Variants in MRPS27 observed in about 807,000 individuals in gnomAD.
MRPS27 encodes small ribosomal subunit protein mS27.
MRPS27 carries 43 observed loss-of-function variants against 48.9 expected under a neutral mutation model. The ratio of observed to expected loss-of-function variants is 0.88; its 90% confidence interval spans 0.69 to 1.13. The LOEUF (loss-of-function observed/expected upper bound fraction) is 1.13, where lower values mean the gene tolerates loss of function less well. Among genes scored for constraint, MRPS27 ranks in the 50% most tolerant of loss-of-function variants. MRPS27 has a pLI of 0.00. For missense variants in MRPS27, 467 were observed against 476.3 expected (o/e 0.98, Z 0.18); for synonymous variants, 188 against 171.9 (o/e 1.09, Z -0.73).
At chr5:72,314,052 A>C (rs1750508260) in intron 2 of MRPS27, 29 bp downstream of exon 2, 1 of 1,537,708 alleles carries the variant, frequency 6.5e-7, no homozygotes, top group Admixed American at 1.7e-5. Context: ...ACCGAAAATG[A>C]CACATATAAT....
intron 4 of MRPS27, among the ~76,000 whole-genome samples, chr5:72,252,007 C>T (rs1389659725): frequency 2.0e-5 from 3 of 152,128 alleles, no homozygotes; most frequent in African/African-American, 7.2e-5. Context: ...CAGCTGACAG[C>T]AGTCACATGA....
intron 4 of MRPS27, among the ~76,000 whole-genome samples, chr5:72,289,948 C>G (rs1294814485): frequency 6.6e-6 from 1 of 152,134 alleles, no homozygotes; most frequent in Non-Finnish European, 1.5e-5. Flanking sequence ...CAAATATCCT[C>G]AGTGAAGATG....
At chr5:72,270,604 C>T (rs1749214109) in intron 4 of MRPS27, among the ~76,000 whole-genome samples, 1 of 152,136 alleles carries the variant, frequency 6.6e-6, no homozygotes, top group Non-Finnish European at 1.5e-5. Context: ...ACCGAAGAAA[C>T]TCTTAAACAA....
intron 4 of MRPS27, among the ~76,000 whole-genome samples, chr5:72,262,028 G>T (rs927720352): frequency 1.3e-5 from 2 of 152,088 alleles, no homozygotes; most frequent in African/African-American, 2.4e-5. Context: ...AATCTGTTCT[G>T]CCCCTAAACC....
At chr5:72,308,302 G>T (rs567295688) in intron 2 of MRPS27, among the ~76,000 whole-genome samples, 2 of 152,350 alleles carry the variant, frequency 1.3e-5, no homozygotes, top group Admixed American at 1.3e-4. Flanking sequence ...GCACGGCTCA[G>T]GGGAGACGGC....
intron 4 of MRPS27, among the ~76,000 whole-genome samples, chr5:72,264,936 G>A (rs1188040569): frequency 6.6e-6 from 1 of 152,200 alleles, no homozygotes; most frequent in Non-Finnish European, 1.5e-5. Context: ...GCTTAGAGAA[G>A]GAAGTATGAG....
At chr5:72,300,222 C>T (rs1750091057) in intron 2 of MRPS27, among the ~76,000 whole-genome samples, 1 of 152,150 alleles carries the variant, frequency 6.6e-6, no homozygotes, top group African/African-American at 2.4e-5. Context: ...CCATTCTATC[C>T]TTCACAAAAT....
intron 8 of MRPS27, 112 bp downstream of exon 8, chr5:72,228,154 C>A: frequency 1.1e-6 from 1 of 926,114 alleles, no homozygotes; most frequent in East Asian, 2.6e-5. Flanking sequence ...AAAACGAAGG[C>A]TAATTGGATT....
chr5:72,234,681 T>C (rs1371208834), intron 5 of MRPS27, among the ~76,000 whole-genome samples: 3 of 152,088 alleles, frequency 2.0e-5, no homozygotes, highest in Non-Finnish European at 4.4e-5. Flanking sequence ...TTCTAGAATG[T>C]TGTGTCATAC....
chr5:72,258,356 A>G (rs1435258752), intron 4 of MRPS27, among the ~76,000 whole-genome samples: 1 of 152,080 alleles, frequency 6.6e-6, no homozygotes, highest in Non-Finnish European at 1.5e-5. Flanking sequence ...AGAGAAAACA[A>G]ATTTTGGGTT....
At chr5:72,228,419 T>C (rs1031829605) in intron 7 of MRPS27, 51 bp from the exon 8 acceptor site, 6 of 1,264,758 alleles carry the variant, frequency 4.7e-6, no homozygotes, top group Admixed American at 2.1e-5. Flanking sequence ...GAGTACTTTA[T>C]ACAAAAATGT....
intron 2 of MRPS27, among the ~76,000 whole-genome samples, chr5:72,305,365 A>T (rs1052322070): frequency 6.6e-6 from 1 of 152,230 alleles, no homozygotes; most frequent in Non-Finnish European, 1.5e-5. Flanking sequence ...GCAGGATCTG[A>T]AATATTCATG....
At chr5:72,302,851 A>C (rs73128905) in intron 2 of MRPS27, among the ~76,000 whole-genome samples, 2,322 of 152,346 alleles carry the variant, frequency 0.015, 68 homozygotes, top group African/African-American at 0.051. Context: ...AGGGAACTAC[A>C]CCTGAAGTGA....
intron 4 of MRPS27, among the ~76,000 whole-genome samples, chr5:72,254,238 A>G (rs1357139026): frequency 1.3e-5 from 2 of 152,226 alleles, no homozygotes; most frequent in Non-Finnish European, 2.9e-5. Context: ...TACCTAACCT[A>G]AGTTGAAGCC....
At chr5:72,298,729 A>AAC (rs1554060976) in intron 2 of MRPS27, among the ~76,000 whole-genome samples, 3 of 148,754 alleles carry the variant, frequency 2.0e-5, no homozygotes, top group Admixed American at 6.6e-5. Context: ...AAAAACAAAA[A>AAC]AAAAAAAAAC....
intron 4 of MRPS27, among the ~76,000 whole-genome samples, chr5:72,272,220 A>AT (rs1749267233): frequency 6.6e-6 from 1 of 152,158 alleles, no homozygotes; most frequent in Admixed American, 6.5e-5. Context: ...TTACATTTTT[A>AT]AAGGGGAAGA....
At chr5:72,247,716 AT>A (rs1286706968) in intron 4 of MRPS27, among the ~76,000 whole-genome samples, 1 of 152,234 alleles carries the variant, frequency 6.6e-6, no homozygotes, top group African/African-American at 2.4e-5. Flanking sequence ...TTTCAGTGCA[AT>A]TCATCTTATA....
intron 4 of MRPS27, among the ~76,000 whole-genome samples, chr5:72,260,709 AT>A (rs1001623169): frequency 1.6e-4 from 24 of 152,346 alleles, no homozygotes; most frequent in African/African-American, 5.5e-4. Flanking sequence ...TACAAAAAAA[AT>A]CTAGTCTAAT....
intron 4 of MRPS27, among the ~76,000 whole-genome samples, chr5:72,264,210 A>AAGTCT (rs1199378208): frequency 6.6e-6 from 1 of 152,216 alleles, no homozygotes; most frequent in Non-Finnish European, 1.5e-5. Flanking sequence ...AACAAAAAGT[A>AAGTCT]GACTAGGTTG....
Sources: gnomAD v4.1 joint callset for allele counts (sites outside exome capture counted in the v4.1 genomes callset) on GRCh38, gnomAD v4.1.1 for gene constraint, MANE v1.5 for transcripts, NCBI Gene and HGNC (gene_info 2026-07-23, HGNC 2026-07-21) for gene names.